SYT14: variants seen among roughly 807,000 people sequenced by gnomAD.
SYT14 encodes the protein synaptotagmin 14.
In SYT14, 32 loss-of-function variants were observed where a neutral mutation model predicts 74.2. The observed-to-expected ratio is 0.43, with a 90% confidence interval of 0.33 to 0.58. The LOEUF (loss-of-function observed/expected upper bound fraction) is 0.58. SYT14 is among the 20% of genes least tolerant of loss of function. The pLI is 0.05. For missense variants in SYT14, 791 were observed against 981.8 expected (o/e 0.81, Z 2.60); for synonymous variants, 298 against 337.7 (o/e 0.88, Z 1.29).
At chr1:210,027,793 T>C (rs1271346414) in intron 5 of SYT14, among the ~76,000 whole-genome samples, 1 of 152,180 alleles carries the variant, frequency 6.6e-6, no homozygotes, top group Non-Finnish European at 1.5e-5. Flanking sequence ...ATCTTTGGTG[T>C]TTTGGAGATC....
At chr1:209,987,385 C>T (rs866294878) in intron 2 of SYT14, among the ~76,000 whole-genome samples, 2 of 152,220 alleles carry the variant, frequency 1.3e-5, no homozygotes, top group East Asian at 3.8e-4. Flanking sequence ...GGCATCTGTT[C>T]AGCTTCTGTA....
At chr1:210,113,131 G>A (rs923053894) in intron 7 of SYT14, among the ~76,000 whole-genome samples, 4 of 151,270 alleles carry the variant, frequency 2.6e-5, no homozygotes, top group African/African-American at 7.4e-5. Flanking sequence ...GCGTGGTCCC[G>A]GCTCTTGTGT....
At chr1:209,995,082 A>G (rs1250648761) in intron 2 of SYT14, among the ~76,000 whole-genome samples, 2 of 152,220 alleles carry the variant, frequency 1.3e-5, no homozygotes, top group Non-Finnish European at 2.9e-5. Flanking sequence ...GCAACTATGC[A>G]ATCAGTTCTA....
intron 2 of SYT14, among the ~76,000 whole-genome samples, chr1:209,975,848 T>C (rs2079352194): frequency 6.6e-6 from 1 of 152,214 alleles, no homozygotes; most frequent in Non-Finnish European, 1.5e-5. Flanking sequence ...CTTTTTTGGT[T>C]GGTAAGCTAT....
intron 7 of SYT14, among the ~76,000 whole-genome samples, chr1:210,120,237 T>C (rs2082431710): frequency 6.6e-6 from 1 of 152,216 alleles, no homozygotes; most frequent in South Asian, 2.1e-4. Flanking sequence ...TTACCTGATA[T>C]TATAATCAAA....
At chr1:209,949,190 CA>C (rs1409112236) in intron 1 of SYT14, among the ~76,000 whole-genome samples, 9 of 152,294 alleles carry the variant, frequency 5.9e-5, no homozygotes. Flanking sequence ...GACTTCCAAA[CA>C]GACATATACA....
intron 2 of SYT14, among the ~76,000 whole-genome samples, chr1:209,974,436 C>G (rs2079318604): frequency 6.6e-6 from 1 of 152,138 alleles, no homozygotes; most frequent in Non-Finnish European, 1.5e-5. Flanking sequence ...ATATGGCTAG[C>G]CAGTTTTTCC....
At chr1:210,168,622 T>C (rs1438628660) in exon 10 of SYT14, 2 of 152,192 alleles carry the variant, frequency 1.3e-5, no homozygotes, top group Non-Finnish European at 2.9e-5. Flanking sequence ...GACTATTTTG[T>C]TTAATGAGAA....
At chr1:210,091,042 C>A (rs2081857152) in intron 5 of SYT14, among the ~76,000 whole-genome samples, 1 of 152,132 alleles carries the variant, frequency 6.6e-6, no homozygotes, top group African/African-American at 2.4e-5. Flanking sequence ...ATATTCACAG[C>A]TTTAATGTTG....
At chr1:209,973,981 A>T (rs551520786) in intron 2 of SYT14, among the ~76,000 whole-genome samples, 1 of 151,572 alleles carries the variant, frequency 6.6e-6, no homozygotes, top group Non-Finnish European at 1.5e-5. Context: ...GCATTTTTTC[A>T]TGTGTCTTTT....
chr1:210,142,053 C>G (rs1572370878), intron 7 of SYT14, among the ~76,000 whole-genome samples: 1 of 152,150 alleles, frequency 6.6e-6, no homozygotes, highest in African/African-American at 2.4e-5. Flanking sequence ...GGATATAGTT[C>G]TTATCAATCT....
chr1:210,072,695 C>CT lies in SYT14; in HGVS notation c.1313-21625dup, dbSNP rs1558169077. ...ACAACATAGTTTATTCAGAAAAGCA[C>CT]TTCTTAAGACTTTTCCTTGTAGGTT... On this transcript the variant is annotated intron_variant, in intron 5 of 9. Transcript: ENST00000637265. Among the ~76,000 whole-genome samples the CT allele has an allele frequency of 5.3e-5, 8 of 151,990 alleles. No individual in the cohort carries two copies. In the South Asian group the frequency reaches 1.5e-3, roughly 28 times the overall value.
intron 1 of SYT14, among the ~76,000 whole-genome samples, chr1:209,942,623 C>T (rs1236472055): frequency 6.6e-6 from 1 of 152,064 alleles, no homozygotes; most frequent in African/African-American, 2.4e-5. Flanking sequence ...AGTTTCCTTC[C>T]AATTCATTTT....
At chr1:210,141,668 A>C (rs1424321691) in intron 7 of SYT14, among the ~76,000 whole-genome samples, 1 of 152,198 alleles carries the variant, frequency 6.6e-6, no homozygotes, top group Non-Finnish European at 1.5e-5. Flanking sequence ...TGGTCAGCTC[A>C]GCTAACAACT....
At chr1:210,113,514 G>A (rs1296740780) in intron 7 of SYT14, among the ~76,000 whole-genome samples, 1 of 151,350 alleles carries the variant, frequency 6.6e-6, no homozygotes, top group Non-Finnish European at 1.5e-5. Context: ...ACAGGCAAGT[G>A]ATAACAGGCT....
intron 7 of SYT14, among the ~76,000 whole-genome samples, chr1:210,138,688 A>T (rs964895172): frequency 1.1e-4 from 16 of 152,192 alleles, no homozygotes; most frequent in African/African-American, 3.6e-4. Flanking sequence ...AAAATCAGGT[A>T]GTTTTAATTA....
intron 7 of SYT14, among the ~76,000 whole-genome samples, chr1:210,152,001 T>A: frequency 6.6e-6 from 1 of 152,216 alleles, no homozygotes; most frequent in East Asian, 1.9e-4. Flanking sequence ...GTGAAAAATG[T>A]ATCTCACAAT....
intron 7 of SYT14, among the ~76,000 whole-genome samples, chr1:210,104,380 A>C (rs926631865): frequency 2.0e-5 from 3 of 152,206 alleles, no homozygotes; most frequent in African/African-American, 7.2e-5. Flanking sequence ...TATGAGTCAG[A>C]GTTAGCGTCT....
chr1:210,127,527 C>T (rs1036165407), intron 7 of SYT14, among the ~76,000 whole-genome samples: 2 of 152,038 alleles, frequency 1.3e-5, no homozygotes, highest in Non-Finnish European at 2.9e-5. Context: ...AGAGCCCTTC[C>T]AACAAGAAAT....
Sources: gnomAD v4.1 joint callset for allele counts (sites outside exome capture counted in the v4.1 genomes callset) on GRCh38, gnomAD v4.1.1 for gene constraint, MANE v1.5 for transcripts, NCBI Gene and HGNC (gene_info 2026-07-23, HGNC 2026-07-21) for gene names.